ZNF341: variants seen among roughly 807,000 people sequenced by gnomAD.
The protein encoded by ZNF341 is zinc finger protein 341.
In ZNF341, 52 loss-of-function variants were observed where a neutral mutation model predicts 87.7. The ratio of observed to expected loss-of-function variants is 0.59; its 90% CI spans 0.47 to 0.75. The LOEUF (loss-of-function observed/expected upper bound fraction) is 0.75. ZNF341 is among the 30% of genes least tolerant of loss of function. The probability of loss-of-function intolerance (pLI) is 0.00; values close to 1 mark genes in which losing one functional copy is unlikely to be tolerated. For synonymous variants in ZNF341, 459 were observed against 472.7 expected (o/e 0.97, Z 0.38); for missense variants, 977 against 1,145.9 (o/e 0.85, Z 2.13).
intron 10 of ZNF341, among the ~76,000 whole-genome samples, chr20:33,780,775 G>A (rs981980793): frequency 1.3e-5 from 2 of 151,412 alleles, no homozygotes; most frequent in African/African-American, 2.4e-5. Flanking sequence ...GGAGTGTAGT[G>A]GCATAATCAT....
intron 10 of ZNF341, among the ~76,000 whole-genome samples, chr20:33,770,937 G>A (rs111930714): frequency 0.038 from 5,803 of 152,124 alleles, 184 homozygotes; most frequent in Non-Finnish European, 0.069. Context: ...TGGCTAACAC[G>A]GTGAAACCCC....
At chr20:33,763,355 C>T (rs1245376421) in intron 8 of ZNF341, among the ~76,000 whole-genome samples, 3 of 152,116 alleles carry the variant, frequency 2.0e-5, no homozygotes, top group Non-Finnish European at 2.9e-5. Context: ...AGCTGGAGCG[C>T]AGTAGTGCTA....
Position 33,770,194 on chromosome 20 carries a change from C to G in ZNF341, c.1524C>G (p.Cys508Trp). ...AGCTGAGCTACCGCTGCCACCTCTGCGGCAAGGACTTCCCCTCGCTGTACG... is the reference window on the plus strand; with the variant it reads ...AGCTGAGCTACCGCTGCCACCTCTGGGGCAAGGACTTCCCCTCGCTGTACG... ...QEELSYRCHL[C>W]GKDFPSLYDL... Residue 508 changes from cysteine (C) to tryptophan (W), a missense_variant, in exon 10 of 15, where the codon TGC (cysteine) becomes TGG (tryptophan). Cys to Trp is a radical substitution (Grantham distance 215). Around this residue, in one of 3 missense-constraint regions of ZNF341, gnomAD observed 241 missense variants for 335.0 expected, o/e 0.72. Coordinates refer to ENST00000375200, the MANE Select transcript of ZNF341 (RefSeq NM_001282933.2). 2 of 1,614,188 alleles carry G rather than the reference C, an allele frequency of 1.2e-6. No homozygotes were observed. The highest frequency in any genetic ancestry group is 1.7e-6 in the Non-Finnish European group (2 of 1,180,036).
At chr20:33,766,031 C>T (rs6059457) in intron 8 of ZNF341, among the ~76,000 whole-genome samples, 10,281 of 152,034 alleles carry the variant, frequency 0.068, 419 homozygotes, top group East Asian at 0.17. Context: ...TACAGGTGTG[C>T]GTCACCACGC....
intron 1 of ZNF341, among the ~76,000 whole-genome samples, chr20:33,736,258 C>T (rs927079530): frequency 1.3e-5 from 2 of 151,674 alleles, no homozygotes; most frequent in Non-Finnish European, 2.9e-5. Context: ...CCCCACCATT[C>T]TGAAACTGCC....
Position 33,781,302 on chromosome 20 carries a change from G to A in ZNF341, c.1634G>A (p.Cys545Tyr). ...KDNAVYKCVK[C>Y]VNKYSTPEAL... ...CTCCTTCCACTTAGGTGTGTCAAAT[G>A]TGTCAACAAATACTCCACCCCTGAG... Residue 545 changes from cysteine to tyrosine, a missense_variant, in exon 11 of 15, where the codon TGT becomes TAT. By Grantham distance (194) the Cys-to-Tyr change is radical. Transcript: ENST00000375200. 3 of 1,613,964 alleles carry A rather than the reference G, an allele frequency of 1.9e-6. No homozygotes were observed. Among genetic ancestry groups the A allele is most frequent in the East Asian group, 2.2e-5 (1 of 44,884 alleles).
Position 33,791,587 on chromosome 20 carries a change from A to G in ZNF341, c.*70A>G. 3 of 1,439,994 alleles carry G rather than the reference A, an allele frequency of 2.1e-6. No homozygotes were observed. Among genetic ancestry groups the G allele is most frequent in the Non-Finnish European group, 2.7e-6 (3 of 1,094,228 alleles). 89.2% of individuals were successfully genotyped at this position (1,439,994 alleles called of 1,614,324 possible). The stretch of plus-strand genomic sequence containing the variant: ...TTGGGTCCAGGGCCCCTGGGGGCAG[A>G]CCGGTGATCCTTACCAGTGGAAGCG... On this transcript the variant is annotated 3_prime_UTR_variant, in exon 15 of 15. Coordinates refer to ENST00000375200, the MANE Select transcript of ZNF341 (RefSeq NM_001282933.2).
chr20:33,746,289 A>G (rs1049690151), intron 3 of ZNF341, among the ~76,000 whole-genome samples: 2 of 127,504 alleles, frequency 1.6e-5, no homozygotes, highest in Non-Finnish European at 3.1e-5. Context: ...GATGGAGTGC[A>G]GTGGCAGGAT....
At chr20:33,778,812 A>G (rs745405814) in intron 10 of ZNF341, among the ~76,000 whole-genome samples, 2 of 152,220 alleles carry the variant, frequency 1.3e-5, no homozygotes, top group Non-Finnish European at 2.9e-5. Flanking sequence ...ATAGGTCAAT[A>G]TGCTGGCAAA....
chr20:33,757,247 C>T lies in ZNF341; in HGVS notation c.841C>T (p.Pro281Ser). The part of the protein sequence containing the change: ...FKPKGPNPAA[P>S]MTSATGGTVA... ...ACCCAAAGGACCAAACCCCGCCGCCCCCATGACCAGCGCCACCGGGGGCAC... is the reference window on the plus strand; with the variant it reads ...ACCCAAAGGACCAAACCCCGCCGCCTCCATGACCAGCGCCACCGGGGGCAC... Residue 281 changes from proline to serine, a missense_variant, in exon 6 of 15, where the codon CCC (proline) becomes TCC (serine). Pro to Ser is a moderately conservative substitution (Grantham distance 74). Around this residue, in one of 3 missense-constraint regions of ZNF341, gnomAD observed 515 missense variants for 598.2 expected, o/e 0.86. Transcript: ENST00000375200. The T allele has an allele frequency of 6.2e-7, 1 of 1,606,118 alleles. No individual in the cohort carries two copies. Among genetic ancestry groups the T allele is most frequent in the Non-Finnish European group, 8.5e-7 (1 of 1,176,918 alleles).
intron 10 of ZNF341, among the ~76,000 whole-genome samples, chr20:33,776,802 C>T (rs968802065): frequency 2.0e-5 from 3 of 152,074 alleles, no homozygotes; most frequent in African/African-American, 4.8e-5. Flanking sequence ...TACAGGCAGG[C>T]GCCATCACTC....
intron 8 of ZNF341, 36 bp from the exon 9 acceptor site, chr20:33,766,815 G>A (rs377507677): frequency 1.5e-5 from 24 of 1,568,180 alleles, no homozygotes; most frequent in East Asian, 1.4e-4. Flanking sequence ...TGAATGGGCC[G>A]GCTCCTTGTC....
intron 3 of ZNF341, among the ~76,000 whole-genome samples, chr20:33,746,954 A>C (rs141700160): frequency 2.6e-5 from 4 of 152,022 alleles, no homozygotes; most frequent in Admixed American, 6.6e-5. Context: ...ATGCCTGCCA[A>C]CCTTTAAACG....
intron 7 of ZNF341, 116 bp from the exon 8 acceptor site, chr20:33,761,746 A>G: frequency 2.3e-6 from 2 of 888,216 alleles, no homozygotes; most frequent in Non-Finnish European, 3.3e-6. Flanking sequence ...TGGTGTCAGA[A>G]TGTGGCAAGT....
chr20:33,767,753 A>G (rs2019439028), intron 9 of ZNF341, among the ~76,000 whole-genome samples: 2 of 152,238 alleles, frequency 1.3e-5, no homozygotes, highest in African/African-American at 4.8e-5. Context: ...GCTACAAATG[A>G]TAGAAAACTG....
chr20:33,771,940 A>G (rs1450267929), intron 10 of ZNF341, among the ~76,000 whole-genome samples: 1 of 143,398 alleles, frequency 7.0e-6, no homozygotes, highest in African/African-American at 2.6e-5. Flanking sequence ...GCTTGAGCCC[A>G]GGAGGTTAAG....
At chr20:33,789,268 C>T (rs922172804) in intron 13 of ZNF341, among the ~76,000 whole-genome samples, 1 of 152,088 alleles carries the variant, frequency 6.6e-6, no homozygotes, top group African/African-American at 2.4e-5. Flanking sequence ...GTCTCGAGCT[C>T]CTGACCGCAA....
chr20:33,791,458 G>T lies in ZNF341; in HGVS notation c.2506G>T (p.Gly836Trp). ...CCTGGCTCTGGCGGAGCTGCAGGCT[G>T]GGGCCGAGGGCCCATGTGCCATGCT... ...SNLALAELQA[G>W]AEGPCAMLAV... The change falls in exon 15 of 15, where the codon GGG (glycine) becomes TGG (tryptophan). Residue 836 changes from glycine (G) to tryptophan (W), a missense_variant. Gly to Trp is a radical substitution (Grantham distance 184, BLOSUM62 -2). This residue lies in a region of ZNF341 where 221 missense variants were observed against 212.7 expected (regional missense o/e 1.04). Transcript: ENST00000375200. 6.2e-7 allele frequency: 1 copy of T among 1,602,260 alleles called. No individual in the cohort carries two copies. The highest frequency in any genetic ancestry group is 1.1e-5 in the South Asian group (1 of 90,454).
intron 8 of ZNF341, among the ~76,000 whole-genome samples, chr20:33,765,563 A>G (rs1357997462): frequency 6.6e-6 from 1 of 151,716 alleles, no homozygotes; most frequent in East Asian, 1.9e-4. Flanking sequence ...TATTTTTTGT[A>G]GAGATGGCGT....
Sources: gnomAD v4.1 joint callset for allele counts (sites outside exome capture counted in the v4.1 genomes callset) on GRCh38, gnomAD v4.1.1 for gene constraint, gnomAD v4.1.1 regional missense constraint, MANE v1.5 for transcripts, NCBI Gene and HGNC (gene_info 2026-07-23, HGNC 2026-07-21) for gene names.